Variants in VWDE observed in about 807,000 individuals in gnomAD.
VWDE encodes von Willebrand factor D and EGF domains, also known as von Willebrand factor D and EGF domain-containing protein.
Under a neutral mutation model 178.4 loss-of-function variants are expected in VWDE, and 207 were observed. The ratio of observed to expected loss-of-function variants is 1.16; its 90% CI spans 1.04 to 1.30. The LOEUF is 1.30. Among genes scored for constraint, VWDE ranks in the 50% most tolerant of loss-of-function variants. The pLI is 0.00. For synonymous variants in VWDE, 738 were observed against 651.4 expected, an observed-to-expected ratio of 1.13 and a Z score of -2.02; for missense variants, 2,287 against 1,901.3, an observed-to-expected ratio of 1.20 and a Z score of -3.77.
intron 17 of VWDE, 99 bp downstream of exon 17, chr7:12,357,166 G>A: frequency 7.2e-7 from 1 of 1,391,214 alleles, no homozygotes; most frequent in Non-Finnish European, 9.6e-7. Flanking sequence ...TAACTTTGTT[G>A]CTCTTTACAA....
Position 12,369,674 on chromosome 7 carries a change from CAT to C in VWDE, c.2630_2631del (p.Tyr877TrpfsTer5), listed in dbSNP as rs1783055868. ...GAGAGAATGTCTTCAATTGATGTGC[CAT>C]ACTCTTCTGTGTTATATTTCCCCTC... ...VEEGKYNTEEYGTSIEDILSV... is the reference protein window; with the variant it reads ...VEEGKYNTEEXGTSIEDILSV... On this transcript the variant is annotated frameshift_variant, in exon 12 of 29. Transcript: ENST00000275358. LOFTEE classifies it high-confidence loss of function. 1 of 1,551,496 alleles carries C rather than the reference CAT, an allele frequency of 6.4e-7. No homozygotes were observed. The highest frequency in any genetic ancestry group is 8.7e-7 in the Non-Finnish European group (1 of 1,146,888).
intron 19 of VWDE, among the ~76,000 whole-genome samples, chr7:12,349,192 A>G (rs1781787845): frequency 1.3e-5 from 2 of 151,852 alleles, no homozygotes; most frequent in South Asian, 2.1e-4. Context: ...TAACCTACAC[A>G]TTGTGCACAT....
intron 5 of VWDE, among the ~76,000 whole-genome samples, chr7:12,380,025 G>C (rs1783757318): frequency 6.6e-6 from 1 of 151,718 alleles, no homozygotes; most frequent in African/African-American, 2.4e-5. Flanking sequence ...TTGAACCTGA[G>C]AGGCGGAGGT....
At chr7:12,402,623 T>C (rs80345607) in intron 1 of VWDE, among the ~76,000 whole-genome samples, 15,165 of 152,268 alleles carry the variant, frequency 0.1, 1,040 homozygotes, top group Non-Finnish European at 0.14. Flanking sequence ...TGAACAGATA[T>C]ATGTTATTAC....
At chr7:12,355,294 T>C (rs1179247021) in intron 18 of VWDE, among the ~76,000 whole-genome samples, 1 of 151,758 alleles carries the variant, frequency 6.6e-6, no homozygotes, top group Non-Finnish European at 1.5e-5. Flanking sequence ...CGGGCGCCTG[T>C]AGTCCCAGCC....
chr7:12,371,892 C>A (rs1231988380), intron 10 of VWDE, among the ~76,000 whole-genome samples: 1 of 151,980 alleles, frequency 6.6e-6, no homozygotes, highest in Non-Finnish European at 1.5e-5. Flanking sequence ...AGGAAAGATA[C>A]AATAAACATC....
intron 17 of VWDE, among the ~76,000 whole-genome samples, 194 bp downstream of exon 17, chr7:12,357,071 T>C (rs1259689001): frequency 2.0e-5 from 3 of 152,232 alleles, no homozygotes; most frequent in African/African-American, 7.2e-5. Context: ...TCTGTGCTTC[T>C]AGGCTTGAGA....
intron 1 of VWDE, among the ~76,000 whole-genome samples, chr7:12,400,717 C>A (rs1784857245): frequency 6.6e-6 from 1 of 151,994 alleles, no homozygotes; most frequent in African/African-American, 2.4e-5. Flanking sequence ...GTATTATAGC[C>A]CATTATCCTG....
Position 12,343,079 on chromosome 7 carries a change from T to G in VWDE, c.4174+4A>C, listed in dbSNP as rs1781413791. 6.5e-7 allele frequency: 1 copy of G among 1,547,418 alleles called. No individual in the cohort carries two copies. Among genetic ancestry groups the G allele is most frequent in the African/African-American group, 1.4e-5 (1 of 72,908 alleles). On this transcript the variant is annotated splice_donor_region_variant and intron_variant, in intron 22 of 28. Coordinates refer to ENST00000275358, the MANE Select transcript of VWDE (RefSeq NM_001135924.3). ...ATATCAGACATCAGGAGAGCTTTGC[T>G]TACTTGTTTCACACCTTGGTCCTAC...
At position 12,369,905 on chromosome 7, in the gene VWDE, G is replaced by C. The variant is rs766591010; in HGVS notation, c.2401C>G (p.Leu801Val). 3 of 1,551,374 alleles carry C rather than the reference G, an allele frequency of 1.9e-6. No individual in the cohort carries two copies. The highest frequency in any genetic ancestry group is 2.6e-6 in the Non-Finnish European group (3 of 1,146,900). The change falls in exon 12 of 29, where the codon CTC (leucine) becomes GTC (valine). Residue 801 changes from leucine to valine, a missense_variant. Leu to Val is a conservative substitution (Grantham distance 32). Transcript: ENST00000275358. Reference protein sequence around the residue: ...FFPSWPTPSGLTEYSTLTLCQ... With the variant: ...FFPSWPTPSGVTEYSTLTLCQ... Reference sequence around the variant, plus strand: ...AGGGTCAAGGTGCTATACTCGGTGAGGCCAGAGGGAGTGGGCCAAGAGGGG... The same window carrying C: ...AGGGTCAAGGTGCTATACTCGGTGACGCCAGAGGGAGTGGGCCAAGAGGGG...
rs770497994 is a variant in VWDE, at chr7:12,373,142, T to C, written c.1422A>G (p.Pro474=). 35 of 1,551,262 alleles carry C rather than the reference T, an allele frequency of 2.3e-5. No individual in the cohort carries two copies. Among genetic ancestry groups the C allele is most frequent in the Non-Finnish European group, 3.1e-5 (35 of 1,146,812 alleles). The change falls in exon 10 of 29, where the codon CCA becomes CCG. Residue 474 remains proline (P), a synonymous_variant. Transcript: ENST00000275358. Reference sequence around the variant, plus strand: ...CAACAAACCCACAATTACATGACACTGGATAGTGAAGGCTTCTGCAGTCCC... The same window carrying C: ...CAACAAACCCACAATTACATGACACCGGATAGTGAAGGCTTCTGCAGTCCC... ...RQWDCRSLHY[P]VSCNCGFVAQ...
At chr7:12,379,747 C>G (rs115894085) in intron 5 of VWDE, among the ~76,000 whole-genome samples, 181 bp from the exon 6 acceptor site, 11 of 151,952 alleles carry the variant, frequency 7.2e-5, no homozygotes, top group African/African-American at 2.7e-4. Flanking sequence ...TAAAATATGA[C>G]GTATTCAAAC....
intron 2 of VWDE, among the ~76,000 whole-genome samples, chr7:12,391,330 GA>G (rs1005024424): frequency 6.6e-6 from 1 of 151,868 alleles, no homozygotes. Flanking sequence ...AACCTGTAGA[GA>G]AAAAAAATCT....
chr7:12,351,459 C>A, intron 19 of VWDE, 114 bp downstream of exon 19: 2 of 1,149,252 alleles, frequency 1.7e-6, no homozygotes, highest in Non-Finnish European at 2.4e-6. Flanking sequence ...ATCATATAAC[C>A]TTTAGGTGAT....
At chr7:12,391,360 T>C (rs997184763) in intron 2 of VWDE, among the ~76,000 whole-genome samples, 5 of 152,194 alleles carry the variant, frequency 3.3e-5, no homozygotes, top group Non-Finnish European at 5.9e-5. Context: ...TCTGGTTGAA[T>C]ACTTTAAAGC....
intron 3 of VWDE, among the ~76,000 whole-genome samples, chr7:12,387,379 G>A (rs2128560378): frequency 6.6e-6 from 1 of 152,066 alleles, no homozygotes; most frequent in South Asian, 2.1e-4. Flanking sequence ...AACCATAGGA[G>A]AAAACTTATT....
At position 12,369,620 on chromosome 7, in the gene VWDE, C is replaced by A; in HGVS notation, c.2686G>T (p.Gly896Cys). ...CCCCATTCCATGCACTGCCCATTGC[C>A]GCTGCATAAATTGGGGCATTTTAAT... Reference protein sequence around the residue: ...SVLKCPNLCSGNGQCMEWGCA... With the variant: ...SVLKCPNLCSCNGQCMEWGCA... Residue 896 changes from glycine to cysteine, a missense_variant, in exon 12 of 29, where the codon GGC becomes TGC. Coordinates refer to ENST00000275358, the MANE Select transcript of VWDE (RefSeq NM_001135924.3). 6.4e-7 allele frequency: 1 copy of A among 1,551,420 alleles called. No homozygotes were observed. The highest frequency in any genetic ancestry group is 8.7e-7 in the Non-Finnish European group (1 of 1,146,788).
intron 12 of VWDE, 33 bp downstream of exon 12, chr7:12,369,512 A>T: frequency 6.7e-7 from 1 of 1,481,670 alleles, no homozygotes; most frequent in South Asian, 1.4e-5. Context: ...GAAATATCAC[A>T]TGCAATATCA....
At chr7:12,335,309 G>A (rs979281022) in intron 27 of VWDE, among the ~76,000 whole-genome samples, 6 of 151,884 alleles carry the variant, frequency 4.0e-5, no homozygotes, top group South Asian at 2.1e-4. Context: ...TTTCAAAATT[G>A]CATGAAATTT....
Sources: gnomAD v4.1 joint callset for allele counts (sites outside exome capture counted in the v4.1 genomes callset) on GRCh38, gnomAD v4.1.1 for gene constraint, MANE v1.5 for transcripts, NCBI Gene and HGNC (gene_info 2026-07-23, HGNC 2026-07-21) for gene names.